XG: variants seen among roughly 807,000 people sequenced by gnomAD.
XG encodes Xg glycoprotein (Xg blood group).
XG carries 24 observed loss-of-function variants against 25.7 expected under a neutral mutation model. The observed-to-expected ratio is 0.93, with a 90% confidence interval of 0.68 to 1.31. The LOEUF is 1.31. Ranked by LOEUF, XG falls within the 40% of genes most tolerant of loss-of-function variation. The probability of loss-of-function intolerance (pLI) is 0.00; values close to 1 mark genes in which losing one functional copy is unlikely to be tolerated. For missense variants in XG, 181 were observed against 187.6 expected (o/e 0.96, Z 0.21); for synonymous variants, 77 against 69.2 (o/e 1.11, Z -0.56).
In XG at chrX:2,778,867, G is replaced by A. The variant is rs376872150; in HGVS notation, c.128-3199G>A. 1.5e-4 allele frequency among the ~76,000 whole-genome samples: 22 copies of A among 151,350 alleles called. No individual in the cohort carries two copies. The South Asian group carries it at 1.9e-3, about 13-fold the overall frequency. On this transcript the variant is annotated intron_variant, in intron 3 of 10. Transcript: ENST00000644266. ...CACCTCCCCGCAAACTTCTCCTCCCGGGTTCAAGTAATTCTCGTGCCTCAG... is the reference window on the plus strand; with the variant it reads ...CACCTCCCCGCAAACTTCTCCTCCCAGGTTCAAGTAATTCTCGTGCCTCAG...
intron 4 of XG, among the ~76,000 whole-genome samples, chrX:2,789,114 T>C (rs908246910): frequency 2.7e-5 from 3 of 110,726 alleles, no homozygotes; most frequent in African/African-American, 6.6e-5. Context: ...ACCTGTAGAC[T>C]GAGCTACATG....
rs1177391752 is a variant in XG, at chrX:2,766,557, CTTTTTTT to C, written c.62-3975_62-3969del. Among the ~76,000 whole-genome samples, 13 of 90,172 alleles carry C rather than the reference CTTTTTTT, an allele frequency of 1.4e-4. No individual in the cohort carries two copies. The South Asian group carries it at 2.9e-3, about 20-fold the overall frequency. The allele number at this position is 90,172 out of a possible 152,430, so 59.2% of individuals were successfully genotyped here. A position where few individuals can be genotyped will look rare whatever the true frequency, so the allele number is the denominator to read the frequency against. On this transcript the variant is annotated intron_variant, in intron 1 of 10. Transcript: ENST00000644266. Reference sequence around the variant, plus strand: ...AGGTCAGGGAATTTCCTTATGGCCACTTTTTTTTTTTTTTTTTTTTTTTTCAAGACAG... The same window carrying C: ...AGGTCAGGGAATTTCCTTATGGCCACTTTTTTTTTTTTTTTTTCAAGACAG...
At position 2,759,191 on chromosome X, in the gene XG, C is replaced by T. The variant is rs745954370; in HGVS notation, c.61+6856C>T. 1.4e-4 allele frequency among the ~76,000 whole-genome samples: 22 copies of T among 152,204 alleles called. No homozygotes were observed. In the South Asian group the frequency reaches 4.2e-3, roughly 29 times the overall value. Reference sequence around the variant, plus strand: ...GTAGTTGCACTGGGATGGGTGTTCTCGCATTCGGTGGGTGGAGACAAGGCA... The same window carrying T: ...GTAGTTGCACTGGGATGGGTGTTCTTGCATTCGGTGGGTGGAGACAAGGCA... On this transcript the variant is annotated intron_variant, in intron 1 of 10. Transcript: ENST00000644266.
At chrX:2,780,730 G>A (rs9780405) in intron 3 of XG, among the ~76,000 whole-genome samples, 50 of 58,758 alleles carry the variant, frequency 8.5e-4, no homozygotes, top group East Asian at 2.6e-3. Context: ...AAAAAAAAAA[G>A]AAGAAGTATA....
chrX:2,801,735 G>A (rs2086940120), intron 7 of XG, among the ~76,000 whole-genome samples: 3 of 110,320 alleles, frequency 2.7e-5, no homozygotes, highest in African/African-American at 1.0e-4. Flanking sequence ...TTGAGACGGA[G>A]TCTCGCTCTG....
intron 5 of XG, among the ~76,000 whole-genome samples, chrX:2,793,635 A>G (rs1402501505): frequency 8.9e-6 from 1 of 111,735 alleles, no homozygotes; most frequent in Non-Finnish European, 1.9e-5. Flanking sequence ...TCAGGGCAGT[A>G]AGGAGCAGGA....
intron 1 of XG, among the ~76,000 whole-genome samples, chrX:2,764,404 G>C (rs2050630746): frequency 6.6e-6 from 1 of 152,168 alleles, no homozygotes; most frequent in Non-Finnish European, 1.5e-5. Context: ...CAAGAACCCT[G>C]TCCTGGGGTC....
intron 7 of XG, among the ~76,000 whole-genome samples, chrX:2,801,801 C>T (rs1408791547): frequency 4.6e-4 from 51 of 111,068 alleles, no homozygotes; most frequent in African/African-American, 1.4e-3. Flanking sequence ...CTCCGCCTCC[C>T]GGGTTCACGC....
intron 9 of XG, chrX:2,808,432 G>T (rs747234242): frequency 5.8e-6 from 5 of 861,379 alleles, no homozygotes; most frequent in Non-Finnish European, 7.8e-6. Context: ...GGCAAGCATT[G>T]GTTTTCACTG....
Position 2,752,156 on chromosome X carries a change from C to T in XG, c.-119C>T, listed in dbSNP as rs750390856. 47 of 1,521,660 alleles carry T rather than the reference C, an allele frequency of 3.1e-5. No individual in the cohort carries two copies. The highest frequency in any genetic ancestry group is 1.6e-4 in the Admixed American group (8 of 49,952). 94.3% of individuals were successfully genotyped at this position (1,521,660 alleles called of 1,614,324 possible). A position where few individuals can be genotyped will look rare whatever the true frequency, so the allele number is the denominator to read the frequency against. On this transcript the variant is annotated 5_prime_UTR_variant, in exon 1 of 11. Transcript: ENST00000644266. ...GCTCATATTTTCCACTTGAAGACAT[C>T]GCCTCCCTTCCTTCCAAGCTGGGAG... is the stretch of plus-strand genomic sequence containing the variant.
At chrX:2,774,059 G>A (rs1376283424) in intron 2 of XG, among the ~76,000 whole-genome samples, 5 of 152,148 alleles carry the variant, frequency 3.3e-5, no homozygotes, top group Non-Finnish European at 7.3e-5. Context: ...ATGCTAGGCT[G>A]TTATGTAAAC....
At chrX:2,810,629 A>G (rs2087045417) in intron 9 of XG, among the ~76,000 whole-genome samples, 1 of 111,028 alleles carries the variant, frequency 9.0e-6, no homozygotes, top group South Asian at 3.9e-4. Context: ...TAAAAAAATA[A>G]ATCAGGCCAG....
intron 3 of XG, among the ~76,000 whole-genome samples, chrX:2,781,370 A>C (rs1422610750): frequency 9.2e-5 from 14 of 151,484 alleles, no homozygotes; most frequent in African/African-American, 2.7e-4. Context: ...AGGAGACAAC[A>C]TGAGGGTAAT....
chrX:2,805,443 C>T (rs1197770641), intron 7 of XG, among the ~76,000 whole-genome samples: 1 of 111,029 alleles, frequency 9.0e-6, no homozygotes, highest in Non-Finnish European at 1.9e-5. Flanking sequence ...GGCTCGTCGA[C>T]ATCATCATCT....
intron 1 of XG, among the ~76,000 whole-genome samples, chrX:2,753,273 G>T (rs1026959321): frequency 3.9e-5 from 6 of 152,190 alleles, no homozygotes; most frequent in African/African-American, 1.2e-4. Context: ...GCTGTCTTCA[G>T]ATCTCACCTA....
chrX:2,778,864 C>T (rs1192209842), intron 3 of XG, among the ~76,000 whole-genome samples: 3 of 151,862 alleles, frequency 2.0e-5, no homozygotes, highest in Non-Finnish European at 4.4e-5. Flanking sequence ...AACTTCTCCT[C>T]CCGGGTTCAA....
intron 1 of XG, among the ~76,000 whole-genome samples, chrX:2,758,249 T>C (rs1193513184): frequency 6.6e-6 from 1 of 152,068 alleles, no homozygotes; most frequent in Non-Finnish European, 1.5e-5. Context: ...TTTCGTGCAG[T>C]GATTCTCTGT....
At chrX:2,756,624 A>T (rs1366268556) in intron 1 of XG, among the ~76,000 whole-genome samples, 1 of 152,188 alleles carries the variant, frequency 6.6e-6, no homozygotes, top group Non-Finnish European at 1.5e-5. Context: ...TATGTCCAGG[A>T]TATACACCAG....
chrX:2,799,189 C>A (rs1443822350), intron 7 of XG, among the ~76,000 whole-genome samples: 1 of 110,752 alleles, frequency 9.0e-6, no homozygotes, highest in African/African-American at 3.3e-5. Context: ...TGTCATCACC[C>A]AGGCAATAAG....
Sources: allele counts gnomAD v4.1 joint callset (sites outside exome capture counted in the v4.1 genomes callset), GRCh38; gene constraint gnomAD v4.1.1; transcripts MANE v1.5; gene names NCBI Gene and HGNC (gene_info 2026-07-23, HGNC 2026-07-21).